The following NOL3 variants were observed in gnomAD, a reference collection of about 807,000 sequenced individuals.
The protein encoded by NOL3 is muscle-enriched cytoplasmic protein.
NOL3 carries 18 observed loss-of-function variants against 19.2 expected under a neutral mutation model. That is an observed-to-expected ratio of 0.94 (90% CI 0.65 to 1.39). The LOEUF (loss-of-function observed/expected upper bound fraction) is 1.39. NOL3 is among the 40% of genes most tolerant of loss of function. The probability of loss-of-function intolerance (pLI) is 0.00; values close to 1 mark genes in which losing one functional copy is unlikely to be tolerated. For missense variants in NOL3, 290 were observed against 289.5 expected, an observed-to-expected ratio of 1.00 and a Z score of -0.01; for synonymous variants, 127 against 137.3, an observed-to-expected ratio of 0.93 and a Z score of 0.52.
intron 1 of NOL3, chr16:67,171,769 T>G (rs1482360634): frequency 2.6e-5 from 4 of 152,132 alleles, no homozygotes; most frequent in Non-Finnish European, 4.4e-5. Context: ...CACTGTGCTA[T>G]CGGGCCTGGC....
chr16:67,173,695 C>T, intron 1 of NOL3: 2 of 615,966 alleles, frequency 3.2e-6, no homozygotes, highest in Admixed American at 5.9e-5. Flanking sequence ...AAGGACTTGT[C>T]TGCAAGCTGG....
At chr16:67,174,240 A>G (rs760013723) in exon 2 of NOL3, 2 of 1,612,992 alleles carry the variant, frequency 1.2e-6, no homozygotes, top group South Asian at 2.2e-5. Context: ...GAGACGCTGC[A>G]GGCGGACTCG....
chr16:67,175,544 T>A, exon 4 of NOL3: 1 of 172,012 alleles, frequency 5.8e-6, no homozygotes, highest in Non-Finnish European at 1.2e-5. Flanking sequence ...CCTTGGGAAG[T>A]GAGACTAGAA....
At position 67,170,661 on chromosome 16, in the gene NOL3, G is replaced by A. The variant is rs1268819268; in HGVS notation, c.-9+87G>A. On this transcript the variant is annotated intron_variant, in intron 1 of 3. Coordinates refer to ENST00000268605, the Ensembl canonical transcript of NOL3. The surrounding 1 kb of genome is among the most constrained non-coding windows in gnomAD (Gnocchi z 5.7). ...GGGAAACCGAGATTGGGCAGAATCA[G>A]CGCCCCACCACCCGCTGCGGCGCTC... is the stretch of plus-strand genomic sequence containing the variant. 2.0e-5 allele frequency: 3 copies of A among 152,216 alleles called. No homozygotes were observed. The highest frequency in any genetic ancestry group is 2.9e-5 in the Non-Finnish European group (2 of 68,064). 9.4% of individuals were successfully genotyped at this position (152,216 alleles called of 1,614,324 possible). A position where few individuals can be genotyped will look rare whatever the true frequency, so the allele number is the denominator to read the frequency against.
chr16:67,173,776 C>T (rs1435621609), intron 1 of NOL3: 78 of 1,185,882 alleles, frequency 6.6e-5, no homozygotes, highest in Non-Finnish European at 8.7e-5. Context: ...GAGAGAAAGA[C>T]CTTAGTTTGG....
chr16:67,174,741 C>T (rs775159621), exon 3 of NOL3: 2 of 1,610,388 alleles, frequency 1.2e-6, no homozygotes. Flanking sequence ...GCCGGGGGCC[C>T]TGAGGGCTCC....
chr16:67,171,396 G>A (rs2031749531), intron 1 of NOL3: 2 of 152,296 alleles, frequency 1.3e-5, no homozygotes, highest in African/African-American at 4.8e-5. Flanking sequence ...GCGGAGGGAG[G>A]AGAAAAGGAT....
intron 1 of NOL3, chr16:67,173,728 C>G: frequency 1.4e-6 from 1 of 720,886 alleles, no homozygotes; most frequent in Admixed American, 2.8e-5. Context: ...AGCATCAATC[C>G]TAGGTTTTTC....
In NOL3 at chr16:67,174,299, G is replaced by T; in HGVS notation, c.130G>T (p.Glu44Ter). ...GGCGCGGGGCGTGCTCACCGGGCCAGAGTACGAGGCATTGGATGCACTGCC... is the reference window on the plus strand; with the variant it reads ...GGCGCGGGGCGTGCTCACCGGGCCATAGTACGAGGCATTGGATGCACTGCC... The change falls in exon 2 of 4, where the codon GAG becomes TAG. Residue 44 changes from glutamate (E) to a stop codon, truncating the protein, a stop_gained. Coordinates refer to ENST00000268605, the Ensembl canonical transcript of NOL3. LOFTEE classifies it high-confidence loss of function. 1 of 1,610,174 alleles carries T rather than the reference G, an allele frequency of 6.2e-7. No individual in the cohort carries two copies. The highest frequency in any genetic ancestry group is 1.1e-5 in the South Asian group (1 of 90,590).
At chr16:67,172,381 G>A (rs1457552105) in intron 1 of NOL3, among the ~76,000 whole-genome samples, 3 of 152,146 alleles carry the variant, frequency 2.0e-5, no homozygotes, top group Admixed American at 6.5e-5. Context: ...GGGAGGCCAA[G>A]GTGGGTGGAT....
exon 4 of NOL3, chr16:67,175,352 A>G (rs8057598): frequency 0.1 from 130,733 of 1,293,680 alleles, 16,053 homozygotes; most frequent in African/African-American, 0.6. Flanking sequence ...GGAGATCCCA[A>G]ACCTAGCCCC....
At chr16:67,172,970 C>A (rs1711827404) in intron 1 of NOL3, 1 of 142,518 alleles carries the variant, frequency 7.0e-6, no homozygotes, top group African/African-American at 2.7e-5. Context: ...CAAGACCCCA[C>A]CTCTAAAAAA....
rs536051863 is a variant in NOL3 at position 67,170,827 on chromosome 16, T to C, written c.-9+253T>C. Among the ~76,000 whole-genome samples the C allele has an allele frequency of 6.6e-6, 1 of 152,104 alleles. No homozygotes were observed. The highest frequency in any genetic ancestry group is 6.5e-5 in the Admixed American group (1 of 15,284). ...GCACATGCGCAAAGGCTCTTCACTG[T>C]CCCAAGACCCTGGCTTCCTGGCCAA... On this transcript the variant is annotated intron_variant, in intron 1 of 3. Coordinates refer to ENST00000268605, the Ensembl canonical transcript of NOL3. This position sits in a 1 kb window ranked among gnomAD's most constrained non-coding sequence, Gnocchi z 5.7.
At chr16:67,173,915 A>T (rs1284635508) in intron 1 of NOL3, 5 of 1,535,972 alleles carry the variant, frequency 3.3e-6, no homozygotes, top group Non-Finnish European at 4.4e-6. Flanking sequence ...GCCACGGCTG[A>T]CGCTTGGGGA....
chr16:67,174,969 C>T lies in NOL3; in HGVS notation c.619+25C>T, dbSNP rs369626496. 46 of 1,608,846 alleles carry T rather than the reference C, an allele frequency of 2.9e-5. 1 individual carries two copies. The African/African-American group carries it at 4.9e-4, about 17-fold the overall frequency. On this transcript the variant is annotated intron_variant, in intron 3 of 3. Coordinates refer to ENST00000268605, the Ensembl canonical transcript of NOL3. ...GGTGTGAGTCCGCCCAAACCCTGAGCCGGCTTGGCGGGAGGGCATGGCCTG... is the reference window on the plus strand; with the variant it reads ...GGTGTGAGTCCGCCCAAACCCTGAGTCGGCTTGGCGGGAGGGCATGGCCTG...
exon 2 of NOL3, chr16:67,174,460 T>G (rs2032002918): frequency 4.7e-6 from 7 of 1,489,030 alleles, no homozygotes; most frequent in Non-Finnish European, 6.2e-6. Context: ...AGCACGTGGG[T>G]CCGGGTGAGC....
chr16:67,174,840 A>T (rs1261850384), exon 3 of NOL3: 1 of 1,605,918 alleles, frequency 6.2e-7, no homozygotes, highest in African/African-American at 1.3e-5. Context: ...CCGGAGCCAG[A>T]GCCAGAGCTG....
At chr16:67,171,585 G>T (rs1394423820) in intron 1 of NOL3, 1 of 152,280 alleles carries the variant, frequency 6.6e-6, no homozygotes, top group African/African-American at 2.4e-5. Flanking sequence ...TGGGGTGTGG[G>T]GGGGAGGTAG....
chr16:67,174,193 G>T, exon 2 of NOL3: 3 of 1,611,652 alleles, frequency 1.9e-6, no homozygotes, highest in Non-Finnish European at 2.5e-6. Flanking sequence ...AGGAGCGGCC[G>T]TCAGAGACTA....
Sources: allele counts gnomAD v4.1 joint callset (sites outside exome capture counted in the v4.1 genomes callset), GRCh38; gene constraint gnomAD v4.1.1; non-coding constraint Gnocchi (gnomAD v3.1); transcripts MANE v1.5; gene names NCBI Gene and HGNC (gene_info 2026-07-23, HGNC 2026-07-21).